The following KCTD8 variants were observed in gnomAD, a reference collection of about 807,000 sequenced individuals.
KCTD8 encodes the protein BTB/POZ domain-containing protein KCTD8.
A neutral mutation model predicts 31.5 loss-of-function variants in KCTD8; 27 were observed. That is an observed-to-expected ratio of 0.86 (90% confidence interval 0.63 to 1.18). The LOEUF (loss-of-function observed/expected upper bound fraction) is 1.18, where lower values mean the gene tolerates loss of function less well. Among genes scored for constraint, KCTD8 ranks in the 50% most tolerant of loss-of-function variants. The pLI, the probability that KCTD8 is intolerant of heterozygous loss-of-function variation, is 0.00. For synonymous variants in KCTD8, 290 were observed against 280.0 expected, an observed-to-expected ratio of 1.04 and a Z score of -0.36; for missense variants, 658 against 647.7, an observed-to-expected ratio of 1.02 and a Z score of -0.17.
intron 1 of KCTD8, among the ~76,000 whole-genome samples, chr4:44,337,196 C>T (rs932771856): frequency 3.3e-5 from 5 of 151,884 alleles, no homozygotes; most frequent in Non-Finnish European, 7.4e-5. Flanking sequence ...AGATTGTTGG[C>T]CAGCGTTCAG....
At chr4:44,270,004 C>G (rs953138171) in intron 1 of KCTD8, among the ~76,000 whole-genome samples, 1 of 152,056 alleles carries the variant, frequency 6.6e-6, no homozygotes, top group Non-Finnish European at 1.5e-5. Flanking sequence ...GGATCTAGAA[C>G]TAGAAATACC....
chr4:44,361,375 A>G (rs987109402), intron 1 of KCTD8, among the ~76,000 whole-genome samples: 2 of 152,054 alleles, frequency 1.3e-5, no homozygotes, highest in Admixed American at 6.6e-5. Context: ...TGTTCTCTAC[A>G]AAAGACCACT....
intron 1 of KCTD8, among the ~76,000 whole-genome samples, chr4:44,188,074 A>G (rs756990423): frequency 3.3e-5 from 5 of 152,076 alleles, no homozygotes; most frequent in African/African-American, 4.8e-5. Context: ...AGCAGGAGCC[A>G]TAGTTGAGTG....
At chr4:44,325,984 A>G (rs187616869) in intron 1 of KCTD8, among the ~76,000 whole-genome samples, 1 of 152,128 alleles carries the variant, frequency 6.6e-6, no homozygotes, top group East Asian at 1.9e-4. Flanking sequence ...GACTTTCTGA[A>G]TGTAAAGACA....
chr4:44,184,713 G>A (rs1713528960), intron 1 of KCTD8, among the ~76,000 whole-genome samples: 1 of 152,140 alleles, frequency 6.6e-6, no homozygotes, highest in South Asian at 2.1e-4. Flanking sequence ...AATTTGTATA[G>A]TATTTAATAC....
chr4:44,376,412 T>G (rs1368557378), intron 1 of KCTD8, among the ~76,000 whole-genome samples: 1 of 152,192 alleles, frequency 6.6e-6, no homozygotes, highest in African/African-American at 2.4e-5. Flanking sequence ...TACTTCAGCC[T>G]TAAGACAAAA....
chr4:44,380,082 C>T (rs1335693527), intron 1 of KCTD8, among the ~76,000 whole-genome samples: 3 of 151,666 alleles, frequency 2.0e-5, no homozygotes, highest in Non-Finnish European at 4.4e-5. Context: ...TGTTTTTTTC[C>T]TAAAGAGTCA....
chr4:44,328,071 G>A lies in KCTD8; in HGVS notation c.961+119492C>T, dbSNP rs541529180. ...TTAGCTTACTAATATTTAAATGGAT[G>A]ATATATAGATCCAAGTACAAACACA... On this transcript the variant is annotated intron_variant, in intron 1 of 1. Coordinates refer to ENST00000360029, the MANE Select transcript of KCTD8 (RefSeq NM_198353.3). Among the ~76,000 whole-genome samples the A allele has an allele frequency of 1.2e-3, 177 of 151,936 alleles. 2 individuals carry two copies. Among genetic ancestry groups the A allele is most frequent in the African/African-American group, 4.1e-3 (170 of 41,384 alleles).
At chr4:44,211,738 GTTAA>G (rs776635386) in intron 1 of KCTD8, among the ~76,000 whole-genome samples, 9 of 151,840 alleles carry the variant, frequency 5.9e-5, no homozygotes, top group East Asian at 3.9e-4. Flanking sequence ...GATTGTCTTT[GTTAA>G]TTAATTTTTT....
At chr4:44,317,595 CACTT>C (rs969383524) in intron 1 of KCTD8, among the ~76,000 whole-genome samples, 11 of 152,134 alleles carry the variant, frequency 7.2e-5, no homozygotes, top group Non-Finnish European at 1.3e-4. Context: ...AAAGCCTAAA[CACTT>C]ACTACACGAT....
At chr4:44,289,528 T>C (rs943449230) in intron 1 of KCTD8, among the ~76,000 whole-genome samples, 2 of 152,132 alleles carry the variant, frequency 1.3e-5, no homozygotes, top group Non-Finnish European at 2.9e-5. Flanking sequence ...CTGGAAACCC[T>C]GTACAGGGTT....
At chr4:44,340,191 T>A (rs551996334) in intron 1 of KCTD8, among the ~76,000 whole-genome samples, 17 of 152,136 alleles carry the variant, frequency 1.1e-4, no homozygotes, top group Non-Finnish European at 1.0e-4. Context: ...ACAACTCTAC[T>A]CCTGGACTTG....
chr4:44,321,482 A>G (rs992884778), intron 1 of KCTD8, among the ~76,000 whole-genome samples: 1 of 152,088 alleles, frequency 6.6e-6, no homozygotes, highest in African/African-American at 2.4e-5. Flanking sequence ...TTTTTGATAT[A>G]TCATAATAGC....
intron 1 of KCTD8, among the ~76,000 whole-genome samples, chr4:44,283,167 A>G (rs1716950410): frequency 6.6e-6 from 1 of 151,706 alleles, no homozygotes; most frequent in Non-Finnish European, 1.5e-5. Context: ...CTCCCGCTTC[A>G]GCCTCCCAAG....
intron 1 of KCTD8, among the ~76,000 whole-genome samples, chr4:44,410,636 C>T (rs972606838): frequency 2.6e-5 from 4 of 152,096 alleles, no homozygotes; most frequent in African/African-American, 9.7e-5. Context: ...AGAGGTCTCA[C>T]AATCATAGAG....
intron 1 of KCTD8, among the ~76,000 whole-genome samples, chr4:44,379,615 A>C (rs16856866): frequency 0.092 from 14,070 of 152,156 alleles, 725 homozygotes; most frequent in Admixed American, 0.18. Flanking sequence ...AAAAGATGGC[A>C]CTTCACAAAG....
At chr4:44,379,983 A>G (rs1486720272) in intron 1 of KCTD8, among the ~76,000 whole-genome samples, 21 of 152,032 alleles carry the variant, frequency 1.4e-4, no homozygotes, top group Non-Finnish European at 1.5e-5. Flanking sequence ...TGCCTTGTAC[A>G]TCAACACTGA....
intron 1 of KCTD8, among the ~76,000 whole-genome samples, chr4:44,307,785 T>C (rs1717844261): frequency 6.6e-6 from 1 of 151,988 alleles, no homozygotes; most frequent in South Asian, 2.1e-4. Flanking sequence ...AATAGGCCAG[T>C]GCTGTACACA....
chr4:44,175,350 A>G lies in KCTD8; in HGVS notation c.962-100T>C, dbSNP rs1713179147. ...CTATATTTTCTATTTTAAACCAAGAACATTTATTTTAACAAAAATGGTGCA... is the reference window on the plus strand; with the variant it reads ...CTATATTTTCTATTTTAAACCAAGAGCATTTATTTTAACAAAAATGGTGCA... On this transcript the variant is annotated intron_variant, in intron 1 of 1. Transcript: ENST00000360029. 4.1e-6 allele frequency: 3 copies of G among 725,026 alleles called. No homozygotes were observed. In the African/African-American group the frequency reaches 5.3e-5, roughly 13 times the overall value. The allele number at this position is 725,026 out of a possible 1,614,324, so 44.9% of individuals were successfully genotyped here.
Sources: allele counts gnomAD v4.1 joint callset (sites outside exome capture counted in the v4.1 genomes callset), GRCh38; gene constraint gnomAD v4.1.1; transcripts MANE v1.5; gene names NCBI Gene and HGNC (gene_info 2026-07-23, HGNC 2026-07-21).